ELP1: variants seen among roughly 807,000 people sequenced by gnomAD.
ELP1 encodes elongator complex protein 1.
In ELP1, 131 loss-of-function variants were observed where a neutral mutation model predicts 183.2. The ratio of observed to expected loss-of-function variants is 0.72; its 90% CI spans 0.62 to 0.83. The LOEUF (loss-of-function observed/expected upper bound fraction) is 0.83, where lower values mean the gene tolerates loss of function less well. ELP1 is among the 40% of genes least tolerant of loss of function. ELP1 has a pLI of 0.00. For synonymous variants in ELP1, 555 were observed against 569.0 expected, an observed-to-expected ratio of 0.98 and a Z score of 0.35; for missense variants, 1,550 against 1,594.9, an observed-to-expected ratio of 0.97 and a Z score of 0.48.
chr9:108,904,478 T>G (rs1828945641), intron 14 of ELP1, among the ~76,000 whole-genome samples: 1 of 152,204 alleles, frequency 6.6e-6, no homozygotes, highest in Admixed American at 6.5e-5. Flanking sequence ...AAGCAAATGA[T>G]GTTAATGCTA....
In ELP1 at chr9:108,926,625, A is replaced by G. The variant is rs976023922; in HGVS notation, c.386-22T>C. On this transcript the variant is annotated intron_variant, in intron 4 of 36. Coordinates refer to ENST00000374647, the MANE Select transcript of ELP1 (RefSeq NM_003640.5). ...TGACCTTAGAGAAACACAAACAAAA[A>G]TGATTTTGTTTTCATGTAACAAATT... 2.5e-6 allele frequency: 4 copies of G among 1,595,268 alleles called. No homozygotes were observed. In the African/African-American group the frequency reaches 5.4e-5, roughly 21 times the overall value.
intron 12 of ELP1, among the ~76,000 whole-genome samples, chr9:108,909,581 T>C (rs1341188904): frequency 6.6e-6 from 1 of 152,180 alleles, no homozygotes; most frequent in African/African-American, 2.4e-5. Context: ...CTCTCCCCAG[T>C]GGGTTCTTTA....
rs751463861 is a variant in ELP1, at chr9:108,878,659, G to C, written c.3664C>G (p.Leu1222Val). ...TCAGTGTTCTGCACCACTTCACTCA[G>C]TGCCTCCAGGAGGGCCAGGTCCTCC... is the stretch of plus-strand genomic sequence containing the variant. ...PLEDLALLEA[L>V]SEVVQNTENL... Residue 1222 changes from leucine to valine, a missense_variant, in exon 34 of 37, where the codon CTG becomes GTG. Leu to Val is a conservative substitution (Grantham distance 32). Coordinates refer to ENST00000374647, the MANE Select transcript of ELP1 (RefSeq NM_003640.5). 1.9e-6 allele frequency: 3 copies of C among 1,614,056 alleles called. No individual in the cohort carries two copies. Among genetic ancestry groups the C allele is most frequent in the African/African-American group, 2.7e-5 (2 of 74,928 alleles).
In ELP1 at chr9:108,889,601, T is replaced by C. The variant is rs931997204; in HGVS notation, c.3161-208A>G. Reference sequence around the variant, plus strand: ...ATTGAAAATCATATACAGCCAAAATTAGCCTTGAAAGATGCTTCCAAAGCA... The same window carrying C: ...ATTGAAAATCATATACAGCCAAAATCAGCCTTGAAAGATGCTTCCAAAGCA... On this transcript the variant is annotated intron_variant, in intron 28 of 36. Coordinates refer to ENST00000374647, the MANE Select transcript of ELP1 (RefSeq NM_003640.5). 1.5e-5 allele frequency: 9 copies of C among 616,678 alleles called. No homozygotes were observed. The African/African-American group carries it at 1.7e-4, about 11-fold the overall frequency. The allele number at this position is 616,678 out of a possible 1,614,324, so 38.2% of individuals were successfully genotyped here.
intron 14 of ELP1, among the ~76,000 whole-genome samples, chr9:108,904,073 T>C (rs1017769570): frequency 6.6e-6 from 1 of 152,194 alleles, no homozygotes. Context: ...CATTTCTGTC[T>C]GCTTAAAATA....
intron 24 of ELP1, 86 bp from the exon 25 acceptor site, chr9:108,896,730 A>C: frequency 7.6e-7 from 1 of 1,324,380 alleles, no homozygotes; most frequent in East Asian, 2.3e-5. Flanking sequence ...AAGACAATAA[A>C]TTTTTCTCAA....
At chr9:108,929,737 A>C in intron 3 of ELP1, 32 bp downstream of exon 3, 1 of 1,612,356 alleles carries the variant, frequency 6.2e-7, no homozygotes, top group East Asian at 2.2e-5. Flanking sequence ...AGGATGCTTG[A>C]GACTCCCCCC....
At chr9:108,900,518 C>T (rs966447062) in intron 18 of ELP1, 143 bp from the exon 19 acceptor site, 3 of 722,194 alleles carry the variant, frequency 4.2e-6, no homozygotes, top group African/African-American at 3.5e-5. Context: ...AACCTCAAGA[C>T]TATCAGCCCT....
chr9:108,930,907 T>C, intron 2 of ELP1, 90 bp downstream of exon 2: 2 of 1,224,160 alleles, frequency 1.6e-6, no homozygotes, highest in East Asian at 2.3e-5. Flanking sequence ...TTCAATAAGA[T>C]ATAAAGAAAG....
intron 12 of ELP1, 30 bp downstream of exon 12, chr9:108,910,980 G>A (rs1425970186): frequency 1.2e-6 from 2 of 1,606,904 alleles, no homozygotes; most frequent in African/African-American, 2.7e-5. Flanking sequence ...ACTTGATTCA[G>A]AACATCTTGG....
rs1265182630 is a variant in ELP1 at position 108,894,081 on chromosome 9, A to C, written c.2737-15T>G. On this transcript the variant is annotated splice_polypyrimidine_tract_variant and intron_variant, in intron 25 of 36. Transcript: ENST00000374647. The stretch of plus-strand genomic sequence containing the variant: ...TCTTTGGGATCCTAAAAAAATGATT[A>C]ATGAGAACTTTATTACTTGTGATAT... 1.0e-5 allele frequency: 14 copies of C among 1,393,744 alleles called. No homozygotes were observed. The Admixed American group carries it at 2.4e-4, about 24-fold the overall frequency. 86.3% of individuals were successfully genotyped at this position (1,393,744 alleles called of 1,614,324 possible). A position where few individuals can be genotyped will look rare whatever the true frequency, so the allele number is the denominator to read the frequency against.
At chr9:108,900,903 T>C (rs868720599) in intron 18 of ELP1, among the ~76,000 whole-genome samples, 41 of 36,226 alleles carry the variant, frequency 1.1e-3, no homozygotes, top group African/African-American at 2.8e-3. Context: ...CACACACACA[T>C]ACACGCCACA....
At chr9:108,897,667 T>C (rs1471539789) in intron 22 of ELP1, among the ~76,000 whole-genome samples, 2 of 152,196 alleles carry the variant, frequency 1.3e-5, no homozygotes, top group Non-Finnish European at 2.9e-5. Flanking sequence ...AGAAGAGTAA[T>C]ACTGTATGCT....
At chr9:108,890,134 T>C (rs1219173344) in intron 28 of ELP1, among the ~76,000 whole-genome samples, 2 of 152,018 alleles carry the variant, frequency 1.3e-5, no homozygotes, top group Non-Finnish European at 2.9e-5. Context: ...AGAACAGAGA[T>C]AGAAGGTATA....
rs542517121 is a variant in ELP1, at chr9:108,886,435, T to G, written c.3222+2897A>C. ...ACAAAAATCCTCAAGAAAATTTTAG[T>G]AGATCTAATCTGCCACAAGAGAAAA... On this transcript the variant is annotated intron_variant, in intron 29 of 36. Transcript: ENST00000374647. Among the ~76,000 whole-genome samples, 4 of 152,256 alleles carry G rather than the reference T, an allele frequency of 2.6e-5. No individual in the cohort carries two copies. In the South Asian group the frequency reaches 8.3e-4, roughly 32 times the overall value.
intron 26 of ELP1, 81 bp downstream of exon 26, chr9:108,893,862 A>G: frequency 6.9e-7 from 1 of 1,452,420 alleles, no homozygotes; most frequent in Non-Finnish European, 9.6e-7. Context: ...GTCACTGTCT[A>G]AACTAACAGT....
chr9:108,889,238 T>G, intron 29 of ELP1, 94 bp downstream of exon 29: 3 of 1,157,944 alleles, frequency 2.6e-6, no homozygotes. Flanking sequence ...TTAACAATTA[T>G]GCACAGTTCC....
chr9:108,913,871 A>G (rs1034939643), intron 10 of ELP1, among the ~76,000 whole-genome samples: 2 of 152,178 alleles, frequency 1.3e-5, no homozygotes, highest in African/African-American at 2.4e-5. Context: ...TATGCTCAGC[A>G]TATCACAGTG....
chr9:108,933,376 C>T (rs1347615525), intron 1 of ELP1, among the ~76,000 whole-genome samples: 2 of 152,194 alleles, frequency 1.3e-5, no homozygotes, highest in Admixed American at 6.5e-5. Flanking sequence ...TGAGCACTTG[C>T]TAAGTACTGG....
Sources: allele counts gnomAD v4.1 joint callset (sites outside exome capture counted in the v4.1 genomes callset), GRCh38; gene constraint gnomAD v4.1.1; transcripts MANE v1.5; gene names NCBI Gene and HGNC (gene_info 2026-07-23, HGNC 2026-07-21).